The following CCDC18 variants were observed in gnomAD, a reference collection of about 807,000 sequenced individuals.
The protein encoded by CCDC18 is coiled-coil domain-containing protein 18.
A neutral mutation model predicts 196.0 loss-of-function variants in CCDC18; 157 were observed. That is an observed-to-expected ratio of 0.80 (90% CI 0.70 to 0.91). CCDC18 has a LOEUF of 0.91. Ranked by LOEUF, CCDC18 falls within the 40% of genes least tolerant of loss-of-function variation. The probability of loss-of-function intolerance (pLI) is 0.00; values close to 1 mark genes in which losing one functional copy is unlikely to be tolerated. For missense variants in CCDC18, 1,465 were observed against 1,611.6 expected (o/e 0.91, Z 1.56); for synonymous variants, 482 against 529.2 (o/e 0.91, Z 1.22).
intron 6 of CCDC18, among the ~76,000 whole-genome samples, chr1:93,199,238 G>A (rs1653366266): frequency 1.3e-5 from 2 of 152,246 alleles, no homozygotes; most frequent in South Asian, 4.1e-4. Context: ...CACCTGCCAA[G>A]GGTGAGCTAG....
In CCDC18 at chr1:93,221,614, A is replaced by G. The variant is rs767780122; in HGVS notation, c.1968A>G (p.Glu656=). 1 of 1,519,528 alleles carries G rather than the reference A, an allele frequency of 6.6e-7. No homozygotes were observed. Among genetic ancestry groups the G allele is most frequent in the South Asian group, 1.4e-5 (1 of 73,418 alleles). 94.1% of individuals were successfully genotyped at this position (1,519,528 alleles called of 1,614,324 possible). A position where few individuals can be genotyped will look rare whatever the true frequency, so the allele number is the denominator to read the frequency against. Residue 656 remains glutamate, a synonymous_variant, in exon 15 of 29, where the codon GAA becomes GAG. Transcript: ENST00000690025. The part of the protein sequence containing the change: ...KEMEKQIERL[E]AQLEKKDQQF... ...AATTCTGTTTTCATGTTTAGCTTGA[A>G]GCTCAACTAGAGAAAAAGGACCAAC...
Position 93,221,743 on chromosome 1 carries a change from G to T in CCDC18, c.2097G>T (p.Gly699=). 1 of 1,596,842 alleles carries T rather than the reference G, an allele frequency of 6.3e-7. No individual in the cohort carries two copies. The highest frequency in any genetic ancestry group is 8.5e-7 in the Non-Finnish European group (1 of 1,175,588). ...ATAGACTCTTGACGGAAAGCAAAGG[G>T]GTAAAATCATCCTTATAAAAGTGCT... is the stretch of plus-strand genomic sequence containing the variant. The part of the protein sequence containing the change: ...SLDRLLTESK[G]EMKKENMKKD... The change falls in exon 15 of 29, where the codon GGG becomes GGT. Residue 699 remains glycine, a splice_region_variant and synonymous_variant. Coordinates refer to ENST00000690025, the MANE Select transcript of CCDC18 (RefSeq NM_001378204.1).
At chr1:93,277,697 CTTCT>C (rs1478925248) in intron 28 of CCDC18, among the ~76,000 whole-genome samples, 1 of 151,790 alleles carries the variant, frequency 6.6e-6, no homozygotes, top group African/African-American at 2.4e-5. Flanking sequence ...CCTATGTCTA[CTTCT>C]TTCTACACAG....
intron 27 of CCDC18, among the ~76,000 whole-genome samples, chr1:93,267,646 C>T (rs1161618022): frequency 4.6e-5 from 7 of 152,034 alleles, no homozygotes; most frequent in Middle Eastern, 3.4e-3. Flanking sequence ...CACCAATAAC[C>T]GACCAACAGA....
At chr1:93,193,239 T>C (rs1473337482) in intron 5 of CCDC18, among the ~76,000 whole-genome samples, 1 of 152,186 alleles carries the variant, frequency 6.6e-6, no homozygotes, top group Non-Finnish European at 1.5e-5. Flanking sequence ...CTTTTCAGCA[T>C]TTATACTACT....
chr1:93,241,711 G>A, intron 21 of CCDC18, among the ~76,000 whole-genome samples: 1 of 110,200 alleles, frequency 9.1e-6, no homozygotes, highest in African/African-American at 4.0e-5. Context: ...GTGACAGAGT[G>A]AGACTCCATC....
At chr1:93,192,539 A>T (rs11164880) in intron 5 of CCDC18, among the ~76,000 whole-genome samples, 2 of 152,004 alleles carry the variant, frequency 1.3e-5, no homozygotes, top group African/African-American at 4.8e-5. Flanking sequence ...TCAAGTGATC[A>T]TTCTGCCTCA....
rs1188315625 is a variant in CCDC18, at chr1:93,236,306, G to T, written c.2519G>T (p.Arg840Ile). ...KQRESSAEKL[R>I]KMEEKCESAA... ...AGGGAAAGTTCAGCTGAAAAGTTGA[G>T]AAAAATGGAGGAGAAATGTGAATCA... The change falls in exon 19 of 29, where the codon AGA becomes ATA. Residue 840 changes from arginine to isoleucine, a missense_variant. By Grantham distance (97) the Arg-to-Ile change is moderately conservative (BLOSUM62 -3). Transcript: ENST00000690025. 6.3e-7 allele frequency: 1 copy of T among 1,576,512 alleles called. No individual in the cohort carries two copies. The highest frequency in any genetic ancestry group is 1.4e-5 in the African/African-American group (1 of 71,768).
At chr1:93,180,259 C>T (rs1051287006), upstream of CCDC18, 1 of 1,597,150 alleles carries the variant, frequency 6.3e-7, no homozygotes, top group Non-Finnish European at 8.5e-7. Flanking sequence ...TGGGGCGATC[C>T]CGGGCTGAAA....
rs1662960472 is a variant in CCDC18 at position 93,256,373 on chromosome 1, C to A, written c.3381C>A (p.Tyr1127Ter). The part of the protein sequence containing the change: ...KEQEQYIATQ[Y>*]KEAIDLGQEL... The stretch of plus-strand genomic sequence containing the variant: ...AAGAACAGTACATTGCCACTCAGTA[C>A]AAGGAGGCCATAGATTTGGGGCAAG... Residue 1127 changes from tyrosine to a stop codon, truncating the protein, a stop_gained, in exon 25 of 29, where the codon TAC becomes TAA. Transcript: ENST00000690025. LOFTEE classifies it high-confidence loss of function. 1 of 1,614,006 alleles carries A rather than the reference C, an allele frequency of 6.2e-7. No homozygotes were observed. The highest frequency in any genetic ancestry group is 8.5e-7 in the Non-Finnish European group (1 of 1,179,966).
At chr1:93,249,883 G>T (rs1007202639) in intron 23 of CCDC18, among the ~76,000 whole-genome samples, 13 of 151,942 alleles carry the variant, frequency 8.6e-5, no homozygotes, top group Non-Finnish European at 1.6e-4. Context: ...TCTTGGTACT[G>T]CATTCACAGT....
chr1:93,270,354 A>AATT lies in CCDC18; in HGVS notation c.3895_3897dup (p.Leu1299dup), dbSNP rs762508288. ...GTACCAATTTATCTGCAGGAATCAG[A>AATT]ATTAACCAGATTACAGGCCAAAATT... is the stretch of plus-strand genomic sequence containing the variant. On this transcript the variant is annotated inframe_insertion, in exon 28 of 29. Transcript: ENST00000690025. 488 of 1,538,440 alleles carry AATT rather than the reference A, an allele frequency of 3.2e-4. 3 individuals are homozygous for AATT. The Middle Eastern group carries it at 3.2e-3, about 10-fold the overall frequency.
chr1:93,233,518 C>G lies in CCDC18; in HGVS notation c.2460+925C>G, dbSNP rs137887797. The stretch of plus-strand genomic sequence containing the variant: ...TGTCATTTTTTCGGTCTTTTATCTA[C>G]TTGTTCTGAAGTCCTCCTCAGCCTG... On this transcript the variant is annotated intron_variant, in intron 18 of 28. Coordinates refer to ENST00000690025, the MANE Select transcript of CCDC18 (RefSeq NM_001378204.1). 6.6e-3 allele frequency among the ~76,000 whole-genome samples: 1,001 copies of G among 152,186 alleles called. 41 individuals carry two copies. Among genetic ancestry groups the G allele is most frequent in the Admixed American group, 0.059 (895 of 15,274 alleles).
intron 1 of CCDC18, 56 bp from the exon 2 acceptor site, chr1:93,183,304 G>T (rs1375131548): frequency 3.1e-6 from 4 of 1,275,436 alleles, no homozygotes; most frequent in Non-Finnish European, 4.3e-6. Context: ...TGAGTATTTT[G>T]ACTGAAACTA....
At chr1:93,211,062 G>A in intron 10 of CCDC18, 136 bp downstream of exon 10, 1 of 823,100 alleles carries the variant, frequency 1.2e-6, no homozygotes, top group South Asian at 1.7e-5. Context: ...GGATCACGAG[G>A]TCAGGAGTTC....
chr1:93,248,801 C>T (rs190568001), intron 23 of CCDC18, among the ~76,000 whole-genome samples: 2 of 152,004 alleles, frequency 1.3e-5, no homozygotes, highest in East Asian at 3.9e-4. Context: ...GGAGAAACCC[C>T]ATCTCTATAG....
chr1:93,210,169 C>A (rs558567376), intron 9 of CCDC18, among the ~76,000 whole-genome samples: 3 of 152,232 alleles, frequency 2.0e-5, no homozygotes, highest in Non-Finnish European at 2.9e-5. Context: ...TTTTCTACTT[C>A]TAGGAGGTGT....
intron 19 of CCDC18, among the ~76,000 whole-genome samples, chr1:93,239,048 A>T (rs1223995325): frequency 1.3e-5 from 2 of 152,216 alleles, no homozygotes; most frequent in Non-Finnish European, 2.9e-5. Context: ...GCAAAGCTAA[A>T]GTTAAATGTG....
At chr1:93,272,355 C>T (rs1665345276) in intron 28 of CCDC18, among the ~76,000 whole-genome samples, 1 of 152,168 alleles carries the variant, frequency 6.6e-6, no homozygotes. Context: ...AAATTATATA[C>T]AGTAAACACA....
Sources: allele counts gnomAD v4.1 joint callset (sites outside exome capture counted in the v4.1 genomes callset), GRCh38; gene constraint gnomAD v4.1.1; transcripts MANE v1.5; gene names NCBI Gene and HGNC (gene_info 2026-07-23, HGNC 2026-07-21).